SLCO3A1: variants seen among roughly 807,000 people sequenced by gnomAD.
SLCO3A1 encodes the protein solute carrier organic anion transporter family member 3A1.
SLCO3A1 carries 27 observed loss-of-function variants against 63.1 expected under a neutral mutation model. That is an observed-to-expected ratio of 0.43 (90% CI 0.32 to 0.59). SLCO3A1 has a LOEUF of 0.59. Among genes scored for constraint, SLCO3A1 ranks in the 20% least tolerant of loss-of-function variants. The pLI is 0.09. For missense variants in SLCO3A1, 773 were observed against 945.8 expected (o/e 0.82, Z 2.40); for synonymous variants, 473 against 409.9 (o/e 1.15, Z -1.86).
At chr15:91,988,068 A>C (rs964862444) in intron 2 of SLCO3A1, among the ~76,000 whole-genome samples, 1 of 152,182 alleles carries the variant, frequency 6.6e-6, no homozygotes, top group Non-Finnish European at 1.5e-5. Context: ...TTACAGATGC[A>C]GGCTTTTCTA....
chr15:91,866,751 A>G (rs879635222), intron 1 of SLCO3A1, among the ~76,000 whole-genome samples: 1 of 151,898 alleles, frequency 6.6e-6, no homozygotes, highest in African/African-American at 2.4e-5. Context: ...TTTTTCATTA[A>G]TGACTCATTC....
At chr15:92,171,400 C>A (rs1373630412) in intron 10 of SLCO3A1, 1 of 160,686 alleles carries the variant, frequency 6.2e-6, no homozygotes, top group Non-Finnish European at 1.4e-5. Context: ...ACTCAGGAAT[C>A]TCTTCAATAG....
At chr15:92,031,410 A>G (rs2046646770) in intron 2 of SLCO3A1, among the ~76,000 whole-genome samples, 1 of 152,242 alleles carries the variant, frequency 6.6e-6, no homozygotes, top group South Asian at 2.1e-4. Context: ...TCCACCTGAC[A>G]GTAAAGACTT....
intron 2 of SLCO3A1, among the ~76,000 whole-genome samples, chr15:91,984,899 T>TGTG (rs2046031270): frequency 6.6e-6 from 1 of 152,248 alleles, no homozygotes. Flanking sequence ...GTTGTGTTTG[T>TGTG]ATTATTATCT....
At chr15:92,160,707 C>CGA (rs143436299) in intron 9 of SLCO3A1, among the ~76,000 whole-genome samples, 5,746 of 152,072 alleles carry the variant, frequency 0.038, 347 homozygotes, top group East Asian at 0.28. Flanking sequence ...GCACCTGGGC[C>CGA]GAGAGCCTGG....
In SLCO3A1 at chr15:92,146,992, G is replaced by A. The variant is rs74028828; in HGVS notation, c.1521G>A (p.Thr507=). The change falls in exon 8 of 10, where the codon ACG becomes ACA. Residue 507 remains threonine, a synonymous_variant. Transcript: ENST00000318445. ...CFAGCNSTNL[T]GCACLTTVPA... ...GAACGCTTCCCTTTCAGAATCTCAC[G>A]GGCTGTGCGTGCCTCACCACCGTCC... 5.8e-4 allele frequency: 934 copies of A among 1,610,986 alleles called. 8 individuals are homozygous for A. In the African/African-American group the frequency reaches 0.012, roughly 20 times the overall value.
intron 1 of SLCO3A1, among the ~76,000 whole-genome samples, chr15:91,858,652 A>G (rs944931306): frequency 6.6e-6 from 1 of 152,234 alleles, no homozygotes; most frequent in South Asian, 2.1e-4. Context: ...CCGCCTTGCT[A>G]ATCAATTGCC....
intron 2 of SLCO3A1, among the ~76,000 whole-genome samples, chr15:92,055,275 C>A (rs988014410): frequency 6.6e-6 from 1 of 151,972 alleles, no homozygotes; most frequent in African/African-American, 2.4e-5. Flanking sequence ...ATGTCTGTTG[C>A]CCACTTTTTA....
At chr15:92,011,815 G>A (rs899053772) in intron 2 of SLCO3A1, among the ~76,000 whole-genome samples, 2 of 152,242 alleles carry the variant, frequency 1.3e-5, no homozygotes, top group Non-Finnish European at 2.9e-5. Flanking sequence ...GGTGAGTAAC[G>A]GCAGTGGCTA....
intron 2 of SLCO3A1, among the ~76,000 whole-genome samples, chr15:91,937,809 A>C (rs1031232686): frequency 3.9e-5 from 6 of 152,154 alleles, no homozygotes; most frequent in African/African-American, 1.4e-4. Flanking sequence ...AGGTTATGCA[A>C]AGTTTTAATT....
intron 2 of SLCO3A1, among the ~76,000 whole-genome samples, chr15:92,028,577 A>C (rs913045968): frequency 6.6e-6 from 1 of 152,222 alleles, no homozygotes; most frequent in African/African-American, 2.4e-5. Flanking sequence ...TCTGAGAGAC[A>C]GTCTAACCCA....
chr15:92,129,456 C>T (rs557578828), intron 7 of SLCO3A1, among the ~76,000 whole-genome samples: 25 of 152,210 alleles, frequency 1.6e-4, no homozygotes, highest in Non-Finnish European at 3.2e-4. Context: ...TCCTCTGAAA[C>T]CATCCCTTCC....
chr15:92,060,402 A>C (rs1333580737), intron 2 of SLCO3A1, among the ~76,000 whole-genome samples: 2 of 152,142 alleles, frequency 1.3e-5, no homozygotes, highest in Non-Finnish European at 2.9e-5. Context: ...TCTACTAAAA[A>C]TACAAAAATT....
Position 91,897,854 on chromosome 15 carries a change from G to A in SLCO3A1, c.181-18139G>A, listed in dbSNP as rs1898046154. On this transcript the variant is annotated intron_variant, in intron 1 of 9. Coordinates refer to ENST00000318445, the MANE Select transcript of SLCO3A1 (RefSeq NM_013272.4). The surrounding 1 kb of genome is among the most constrained non-coding windows in gnomAD (Gnocchi z 4.7). ...GGATGACATGTGAGCATGAGGATGG[G>A]TGCGGGAGGCGAAAGGCAGCTGAAA... is the stretch of plus-strand genomic sequence containing the variant. Among the ~76,000 whole-genome samples the A allele has an allele frequency of 6.6e-6, 1 of 152,190 alleles. No homozygotes were observed. The highest frequency in any genetic ancestry group is 1.5e-5 in the Non-Finnish European group (1 of 68,026).
intron 1 of SLCO3A1, among the ~76,000 whole-genome samples, chr15:91,877,070 A>G (rs1897418165): frequency 6.6e-6 from 1 of 152,234 alleles, no homozygotes; most frequent in Admixed American, 6.5e-5. Context: ...GTCATTCTCT[A>G]TTATGTGCAA....
At chr15:91,891,606 A>G (rs1460848260) in intron 1 of SLCO3A1, among the ~76,000 whole-genome samples, 5 of 152,212 alleles carry the variant, frequency 3.3e-5, no homozygotes, top group African/African-American at 1.2e-4. Context: ...GGTCAGCTTC[A>G]TGGGAAATTC....
At chr15:92,071,376 G>A (rs1394671968) in intron 2 of SLCO3A1, among the ~76,000 whole-genome samples, 1 of 152,224 alleles carries the variant, frequency 6.6e-6, no homozygotes, top group African/African-American at 2.4e-5. Context: ...CAAGGCAAAT[G>A]AAGACACAGG....
intron 1 of SLCO3A1, among the ~76,000 whole-genome samples, chr15:91,874,420 CT>C (rs1378904059): frequency 6.6e-6 from 1 of 152,214 alleles, no homozygotes; most frequent in African/African-American, 2.4e-5. Flanking sequence ...GCCCACTCCC[CT>C]TCCCCCAGCC....
At chr15:91,921,493 A>G (rs774600928) in intron 2 of SLCO3A1, among the ~76,000 whole-genome samples, 2 of 152,168 alleles carry the variant, frequency 1.3e-5, no homozygotes, top group Non-Finnish European at 2.9e-5. Context: ...AGTTTTCGGT[A>G]AGGAGCTGTA....
Sources: gnomAD v4.1 joint callset for allele counts (sites outside exome capture counted in the v4.1 genomes callset) on GRCh38, gnomAD v4.1.1 for gene constraint, Gnocchi (gnomAD v3.1) non-coding constraint, MANE v1.5 for transcripts, NCBI Gene and HGNC (gene_info 2026-07-23, HGNC 2026-07-21) for gene names.